PDE1A: variants seen among roughly 807,000 people sequenced by gnomAD.
PDE1A encodes the protein dual specificity calcium/calmodulin-dependent 3',5'-cyclic nucleotide phosphodiesterase 1A.
A neutral mutation model predicts 61.7 loss-of-function variants in PDE1A; 35 were observed. The ratio of observed to expected loss-of-function variants is 0.57; its 90% CI spans 0.43 to 0.75. PDE1A has a LOEUF of 0.75. PDE1A is among the 30% of genes least tolerant of loss of function. The pLI, the probability that PDE1A is intolerant of heterozygous loss-of-function variation, is 0.00. For synonymous variants in PDE1A, 232 were observed against 213.2 expected, an observed-to-expected ratio of 1.09 and a Z score of -0.77; for missense variants, 597 against 630.6, an observed-to-expected ratio of 0.95 and a Z score of 0.57.
At chr2:182,590,090 T>C in the PDE1A span, among the ~76,000 whole-genome samples, 1 of 152,102 alleles carries the variant, frequency 6.6e-6, no homozygotes, top group Non-Finnish European at 1.5e-5. Context: ...ACTCCCTCTG[T>C]GTGCTAGATT....
chr2:182,321,668 A>T (rs1204240878), intron 1 of PDE1A, among the ~76,000 whole-genome samples: 2 of 152,138 alleles, frequency 1.3e-5, no homozygotes, highest in East Asian at 3.9e-4. Flanking sequence ...TGGAATAAAG[A>T]TCTTGGCCTT....
chr2:182,481,390 A>C (rs1305902943), intron 2 of PDE1A, among the ~76,000 whole-genome samples: 5 of 151,930 alleles, frequency 3.3e-5, no homozygotes, highest in African/African-American at 4.8e-5. Flanking sequence ...TATAGAGCTC[A>C]CTAGCATACT....
At chr2:182,417,990 G>C (rs1227884125) in intron 1 of PDE1A, among the ~76,000 whole-genome samples, 1 of 152,100 alleles carries the variant, frequency 6.6e-6, no homozygotes, top group Non-Finnish European at 1.5e-5. Flanking sequence ...GTGTTTAGGA[G>C]GGTTCAAAAT....
At chr2:182,317,767 G>C (rs1223475896) in intron 1 of PDE1A, among the ~76,000 whole-genome samples, 1 of 152,090 alleles carries the variant, frequency 6.6e-6, no homozygotes, top group East Asian at 1.9e-4. Context: ...ATTGATTCTT[G>C]AGTATGCTTA....
In PDE1A at chr2:182,205,309, T is replaced by C. The variant is rs181767191; in HGVS notation, c.902+631A>G. On this transcript the variant is annotated intron_variant, in intron 8 of 13. Coordinates refer to ENST00000351439, the Ensembl canonical transcript of PDE1A. ...TTTGTGAAGTCCAGCAACCCTATTG[T>C]CAATTGAAGGAGATGATAATGACCA... is the stretch of plus-strand genomic sequence containing the variant. Among the ~76,000 whole-genome samples, 9 of 152,210 alleles carry C rather than the reference T, an allele frequency of 5.9e-5. No homozygotes were observed. In the East Asian group the frequency reaches 1.7e-3, roughly 29 times the overall value.
chr2:182,179,131 A>G (rs1684532750), intron 13 of PDE1A, among the ~76,000 whole-genome samples: 1 of 152,212 alleles, frequency 6.6e-6, no homozygotes, highest in Non-Finnish European at 1.5e-5. Flanking sequence ...GGACATAGCT[A>G]GAAACTATGT....
chr2:182,507,415 C>A (rs1270027014), intron 2 of PDE1A, among the ~76,000 whole-genome samples: 1 of 152,144 alleles, frequency 6.6e-6, no homozygotes. Flanking sequence ...TTTAGAGGGG[C>A]CTCAGCTGGA....
exon 13 of PDE1A, chr2:182,185,967 G>T (rs1233191389): frequency 6.2e-7 from 1 of 1,614,008 alleles, no homozygotes; most frequent in Admixed American, 1.7e-5. Flanking sequence ...AAACTCTTCA[G>T]GTCCACTGCT....
chr2:182,263,123 G>A (rs1394115101), intron 2 of PDE1A, among the ~76,000 whole-genome samples: 1 of 152,166 alleles, frequency 6.6e-6, no homozygotes, highest in Non-Finnish European at 1.5e-5. Context: ...CTGCTGAGTG[G>A]AAGGGGCCTA....
At position 182,224,206 on chromosome 2, in the gene PDE1A, A is replaced by C. The variant is rs1435183276; in HGVS notation, c.676-242T>G. 2.6e-5 allele frequency among the ~76,000 whole-genome samples: 4 copies of C among 151,928 alleles called. No homozygotes were observed. In the East Asian group the frequency reaches 7.7e-4, roughly 29 times the overall value. Reference sequence around the variant, plus strand: ...TATAATTGTCCTTGCTAATTGAAAAAGGAGTAGTTTTCTATGATTTAAAAG... The same window carrying C: ...TATAATTGTCCTTGCTAATTGAAAACGGAGTAGTTTTCTATGATTTAAAAG... On this transcript the variant is annotated intron_variant, in intron 6 of 13. Coordinates refer to ENST00000351439, the Ensembl canonical transcript of PDE1A.
At chr2:182,443,526 AGT>A (rs1684927415) in intron 2 of PDE1A, among the ~76,000 whole-genome samples, 1 of 151,782 alleles carries the variant, frequency 6.6e-6, no homozygotes, top group Admixed American at 6.6e-5. Flanking sequence ...ATGGTTTGAA[AGT>A]GTGTGACACT....
chr2:182,522,564 C>T, intron 1 of PDE1A: 1 of 1,393,848 alleles, frequency 7.2e-7, no homozygotes, highest in Non-Finnish European at 9.3e-7. Context: ...ATATCCACTG[C>T]TCACCACCTC....
At chr2:182,464,691 A>T (rs1231256518) in intron 2 of PDE1A, among the ~76,000 whole-genome samples, 1 of 152,180 alleles carries the variant, frequency 6.6e-6, no homozygotes, top group Non-Finnish European at 1.5e-5. Flanking sequence ...AATACAGCAT[A>T]GGCAAGTGGG....
At chr2:182,684,793 T>C in the PDE1A span, among the ~76,000 whole-genome samples, 1 of 152,160 alleles carries the variant, frequency 6.6e-6, no homozygotes, top group African/African-American at 2.4e-5. Context: ...TCAAAACATA[T>C]AATTTTTAAT....
intron 2 of PDE1A, among the ~76,000 whole-genome samples, chr2:182,472,731 T>C (rs1305260304): frequency 1.3e-5 from 2 of 151,374 alleles, no homozygotes; most frequent in South Asian, 4.2e-4. Flanking sequence ...CATTTCCACA[T>C]AATCAACTCT....
At chr2:182,145,475 C>T (rs1025682921), downstream of PDE1A, among the ~76,000 whole-genome samples, 1 of 152,150 alleles carries the variant, frequency 6.6e-6, no homozygotes, top group Non-Finnish European at 1.5e-5. Flanking sequence ...CGCCTGTAAT[C>T]CTAACACTTT....
the PDE1A span, among the ~76,000 whole-genome samples, chr2:182,697,547 C>T: frequency 6.6e-6 from 1 of 152,188 alleles, no homozygotes. Context: ...CTCCATAGAA[C>T]TATGTTGACC....
At chr2:182,296,149 T>C (rs910318900) in intron 1 of PDE1A, among the ~76,000 whole-genome samples, 1 of 152,202 alleles carries the variant, frequency 6.6e-6, no homozygotes, top group African/African-American at 2.4e-5. Context: ...TTAGAGTCCA[T>C]GGAATAAGGC....
At chr2:182,339,384 G>C (rs1273081745) in intron 1 of PDE1A, among the ~76,000 whole-genome samples, 1 of 151,912 alleles carries the variant, frequency 6.6e-6, no homozygotes, top group Admixed American at 6.6e-5. Flanking sequence ...CAAAAGTATG[G>C]CAATAAAAAT....
Sources: gnomAD v4.1 joint callset for allele counts (sites outside exome capture counted in the v4.1 genomes callset) on GRCh38, gnomAD v4.1.1 for gene constraint, MANE v1.5 for transcripts, NCBI Gene and HGNC (gene_info 2026-07-23, HGNC 2026-07-21) for gene names.